Variants in RYR3 observed in about 807,000 individuals in gnomAD.
RYR3 encodes the protein brain ryanodine receptor-calcium release channel.
In RYR3, 207 loss-of-function variants were observed where a neutral mutation model predicts 584.3. The ratio of observed to expected loss-of-function variants is 0.35; its 90% CI spans 0.32 to 0.40. The LOEUF (loss-of-function observed/expected upper bound fraction) is 0.40. Among genes scored for constraint, RYR3 ranks in the 10% least tolerant of loss-of-function variants. RYR3 has a pLI of 1.00. For synonymous variants in RYR3, 2,416 were observed against 2,248.5 expected (o/e 1.07, Z -2.11); for missense variants, 5,616 against 6,089.2 (o/e 0.92, Z 2.59).
intron 3 of RYR3, among the ~76,000 whole-genome samples, chr15:33,528,150 A>G (rs1052110175): frequency 6.6e-6 from 1 of 152,060 alleles, no homozygotes; most frequent in East Asian, 1.9e-4. Flanking sequence ...TTTCTAAGGT[A>G]CAATTTTGAT....
At position 33,461,187 on chromosome 15, in the gene RYR3, G is replaced by A. The variant is rs370295916; in HGVS notation, c.52-12232G>A. ...TCTTGATCTCCTGACCTCGTGACCC[G>A]CCCGCCTCGGCCTCCCAAAGTGCTG... On this transcript the variant is annotated intron_variant, in intron 1 of 103. Coordinates refer to ENST00000634891, the MANE Select transcript of RYR3 (RefSeq NM_001036.6). Among the ~76,000 whole-genome samples, 50 of 151,824 alleles carry A rather than the reference G, an allele frequency of 3.3e-4. 2 individuals are homozygous for A. The highest frequency in any genetic ancestry group is 2.0e-4 in the Admixed American group (3 of 15,250).
chr15:33,861,104 C>A lies in RYR3; in HGVS notation c.14391C>A (p.Gly4797=), dbSNP rs1158523988. The A allele has an allele frequency of 3.1e-6, 5 of 1,594,810 alleles. No individual in the cohort carries two copies. Among genetic ancestry groups the A allele is most frequent in the Non-Finnish European group, 4.3e-6 (5 of 1,169,556 alleles). ...METKCFICGI[G]NDYFDTTPHG... The stretch of plus-strand genomic sequence containing the variant: ...CTAAATGTTTCATCTGTGGGATTGG[C>A]AATGACTACTTTGACACAACCCCTC... The change falls in exon 102 of 104, where the codon GGC becomes GGA. Residue 4797 remains glycine (G), a synonymous_variant. Transcript: ENST00000634891.
intron 60 of RYR3, among the ~76,000 whole-genome samples, chr15:33,762,074 A>G (rs1399651541): frequency 6.6e-6 from 1 of 152,192 alleles, no homozygotes; most frequent in East Asian, 1.9e-4. Flanking sequence ...CATGCTAAAA[A>G]CACTCAATAA....
chr15:33,579,446 A>C (rs1009032269), intron 12 of RYR3, among the ~76,000 whole-genome samples: 1 of 122,576 alleles, frequency 8.2e-6, no homozygotes, highest in African/African-American at 2.8e-5. Context: ...CCACCTTAGG[A>C]TTAATCAATG....
Position 33,864,207 on chromosome 15 carries a change from ATAT to A in RYR3, c.14517+19_14517+21del. 1.3e-6 allele frequency: 2 copies of A among 1,595,290 alleles called. No homozygotes were observed. Among genetic ancestry groups the A allele is most frequent in the South Asian group, 2.2e-5 (2 of 89,048 alleles). ...CGGGTCAGGTGAGAAATTAAGAATC[ATAT>A]ACCCGTGTTAGATCTCCCTTTCCTA... is the stretch of plus-strand genomic sequence containing the variant. On this transcript the variant is annotated intron_variant, in intron 103 of 103. Coordinates refer to ENST00000634891, the MANE Select transcript of RYR3 (RefSeq NM_001036.6).
intron 16 of RYR3, among the ~76,000 whole-genome samples, chr15:33,597,526 G>A (rs1220434144): frequency 6.6e-6 from 1 of 151,266 alleles, no homozygotes; most frequent in African/African-American, 2.4e-5. Context: ...CAGGAGAACC[G>A]CTTGAACCCG....
intron 7 of RYR3, 32 bp downstream of exon 7, chr15:33,540,922 C>A: frequency 3.7e-6 from 5 of 1,361,856 alleles, no homozygotes; most frequent in Non-Finnish European, 5.3e-6. Flanking sequence ...TAGCCCTGAG[C>A]CTGCCTATCT....
chr15:33,488,803 A>G (rs1323505484), intron 2 of RYR3, among the ~76,000 whole-genome samples: 1 of 152,144 alleles, frequency 6.6e-6, no homozygotes, highest in Admixed American at 6.5e-5. Context: ...GTGAGCCGAG[A>G]CTGCACTACT....
intron 80 of RYR3, among the ~76,000 whole-genome samples, chr15:33,822,027 A>G (rs2077136337): frequency 6.6e-6 from 1 of 152,054 alleles, no homozygotes; most frequent in South Asian, 2.1e-4. Flanking sequence ...CCATTCATTC[A>G]TTCATTGAGC....
Position 33,644,384 on chromosome 15 carries a change from C to T in RYR3, c.3630C>T (p.Phe1210=). The T allele has an allele frequency of 6.2e-7, 1 of 1,613,474 alleles. No individual in the cohort carries two copies. Among genetic ancestry groups the T allele is most frequent in the Non-Finnish European group, 8.5e-7 (1 of 1,179,712 alleles). ...ATCTCGGGACAGATGCCAGTACCTT[C>T]AAGTTTTATACCATGTGCGGTCTCC... The part of the protein sequence containing the change: ...RMNLGTDAST[F]KFYTMCGLQE... The change falls in exon 28 of 104, where the codon TTC becomes TTT. Residue 1210 remains phenylalanine, a synonymous_variant. Transcript: ENST00000634891.
Position 33,622,530 on chromosome 15 carries a change from A to G in RYR3, c.2358-1277A>G, listed in dbSNP as rs541094189. Among the ~76,000 whole-genome samples the G allele has an allele frequency of 2.1e-4, 32 of 152,244 alleles. 1 individual carries two copies. The South Asian group carries it at 6.4e-3, about 31-fold the overall frequency. ...GTCTCCCAATCAGTAATTAACGCCT[A>G]TTTGTCTGCTAGAATACCTGCTCTG... On this transcript the variant is annotated intron_variant, in intron 19 of 103. Transcript: ENST00000634891.
intron 60 of RYR3, among the ~76,000 whole-genome samples, chr15:33,763,780 C>T (rs1047732290): frequency 2.0e-5 from 3 of 150,804 alleles, no homozygotes; most frequent in African/African-American, 7.3e-5. Context: ...GTAATCCCAG[C>T]TTCTTGGGAG....
intron 1 of RYR3, among the ~76,000 whole-genome samples, chr15:33,314,689 T>C (rs947146362): frequency 5.3e-5 from 8 of 151,536 alleles, no homozygotes; most frequent in South Asian, 2.1e-4. Flanking sequence ...CCGAGGCGGG[T>C]GGATCACGAG....
chr15:33,689,068 C>T (rs538756172), intron 38 of RYR3, among the ~76,000 whole-genome samples: 1 of 152,112 alleles, frequency 6.6e-6, no homozygotes, highest in South Asian at 2.1e-4. Flanking sequence ...AGTTCATGTC[C>T]TTTGCAGAGA....
chr15:33,599,041 C>T (rs539187583), intron 16 of RYR3, among the ~76,000 whole-genome samples: 27 of 138,142 alleles, frequency 2.0e-4, no homozygotes, highest in African/African-American at 7.0e-4. Context: ...GGAGACAGAG[C>T]GAGACTCCGT....
chr15:33,494,729 T>G (rs1224583797), intron 2 of RYR3, among the ~76,000 whole-genome samples: 3 of 152,254 alleles, frequency 2.0e-5, no homozygotes. Flanking sequence ...TAATTGCTTT[T>G]GTTAGCAGTG....
intron 30 of RYR3, among the ~76,000 whole-genome samples, chr15:33,648,585 C>G (rs2062244275): frequency 1.3e-5 from 2 of 152,174 alleles, no homozygotes; most frequent in South Asian, 4.1e-4. Flanking sequence ...TCTTTCAAGA[C>G]TTTCCAGAAA....
At chr15:33,770,912 G>A (rs2073514733) in intron 62 of RYR3, among the ~76,000 whole-genome samples, 1 of 152,186 alleles carries the variant, frequency 6.6e-6, no homozygotes, top group South Asian at 2.1e-4. Flanking sequence ...ATAAGATATA[G>A]AAATACAAAA....
At chr15:33,740,133 A>T (rs567372094) in intron 51 of RYR3, 138 bp downstream of exon 51, 1 of 710,506 alleles carries the variant, frequency 1.4e-6, no homozygotes, top group Non-Finnish European at 2.3e-6. Context: ...TGATGTGTCA[A>T]GTCCCATCAG....
Sources: gnomAD v4.1 joint callset for allele counts (sites outside exome capture counted in the v4.1 genomes callset) on GRCh38, gnomAD v4.1.1 for gene constraint, MANE v1.5 for transcripts, NCBI Gene and HGNC (gene_info 2026-07-23, HGNC 2026-07-21) for gene names.